The following PIK3AP1 variants were observed in gnomAD, a reference collection of about 807,000 sequenced individuals.
The protein encoded by PIK3AP1 is phosphoinositide 3-kinase adapter protein 1.
A neutral mutation model predicts 88.1 loss-of-function variants in PIK3AP1; 21 were observed. The ratio of observed to expected loss-of-function variants is 0.24; its 90% CI spans 0.17 to 0.34. The LOEUF is 0.34. Ranked by LOEUF, PIK3AP1 falls within the 10% of genes least tolerant of loss-of-function variation. The probability of loss-of-function intolerance (pLI) is 1.00; values close to 1 mark genes in which losing one functional copy is unlikely to be tolerated. For missense variants in PIK3AP1, 828 were observed against 1,035.7 expected (o/e 0.80, Z 2.75); for synonymous variants, 398 against 400.0 (o/e 1.00, Z 0.06).
chr10:96,646,289 C>G (rs1002730793), intron 7 of PIK3AP1, among the ~76,000 whole-genome samples: 1 of 151,984 alleles, frequency 6.6e-6, no homozygotes, highest in Non-Finnish European at 1.5e-5. Flanking sequence ...CCCGTGAGCA[C>G]CTTTTAAATG....
At chr10:96,675,797 T>C (rs1359180483) in intron 2 of PIK3AP1, among the ~76,000 whole-genome samples, 1 of 152,248 alleles carries the variant, frequency 6.6e-6, no homozygotes, top group African/African-American at 2.4e-5. Flanking sequence ...GTCATTTCTC[T>C]GTTAATATTA....
chr10:96,635,692 G>A (rs1964409), intron 8 of PIK3AP1, among the ~76,000 whole-genome samples: 44,829 of 151,902 alleles, frequency 0.3, 7,051 homozygotes, highest in South Asian at 0.45. Context: ...ATCACCTGAC[G>A]TCAGGAGTTC....
At chr10:96,677,269 G>A (rs1589532290) in intron 2 of PIK3AP1, among the ~76,000 whole-genome samples, 2 of 152,058 alleles carry the variant, frequency 1.3e-5, no homozygotes, top group Admixed American at 6.6e-5. Flanking sequence ...TTTGCCTCTT[G>A]TTTGCATTTA....
chr10:96,616,831 A>G, intron 12 of PIK3AP1, 120 bp from the exon 13 acceptor site: 1 of 938,176 alleles, frequency 1.1e-6, no homozygotes, highest in South Asian at 1.4e-5. Context: ...CACATTTACA[A>G]CATGCAAATG....
intron 13 of PIK3AP1, among the ~76,000 whole-genome samples, chr10:96,615,909 A>G (rs141407462): frequency 1.9e-5 from 2 of 107,214 alleles, no homozygotes; most frequent in African/African-American, 5.4e-5. Context: ...TTGGTTCTTC[A>G]TGTAATAGGG....
intron 10 of PIK3AP1, among the ~76,000 whole-genome samples, chr10:96,623,979 G>A (rs925863537): frequency 6.6e-6 from 1 of 152,186 alleles, no homozygotes; most frequent in Admixed American, 6.5e-5. Flanking sequence ...CACTTACGAG[G>A]GACAGATTCA....
At chr10:96,651,872 C>T (rs114696821) in intron 4 of PIK3AP1, among the ~76,000 whole-genome samples, 2,067 of 152,158 alleles carry the variant, frequency 0.014, 21 homozygotes, top group Admixed American at 0.019. Flanking sequence ...AATTTATCCT[C>T]ATTGGGTTTG....
chr10:96,610,499 T>A (rs373532568), intron 13 of PIK3AP1, among the ~76,000 whole-genome samples: 19 of 151,248 alleles, frequency 1.3e-4, no homozygotes, highest in Non-Finnish European at 2.5e-4. Context: ...AACCACTGCT[T>A]GTACAGCCTC....
At chr10:96,623,005 G>T (rs1029226081) in intron 11 of PIK3AP1, among the ~76,000 whole-genome samples, 2 of 152,158 alleles carry the variant, frequency 1.3e-5, no homozygotes, top group Non-Finnish European at 2.9e-5. Flanking sequence ...CTTTCATCCT[G>T]TTGGCATCAA....
chr10:96,620,637 G>T (rs1415983688), intron 11 of PIK3AP1, 80 bp from the exon 12 acceptor site: 19 of 1,245,912 alleles, frequency 1.5e-5, no homozygotes, highest in Non-Finnish European at 2.1e-5. Context: ...AATGAGGCTG[G>T]TCACAGGCTC....
At chr10:96,666,373 C>A (rs967652150) in intron 2 of PIK3AP1, among the ~76,000 whole-genome samples, 1 of 151,950 alleles carries the variant, frequency 6.6e-6, no homozygotes, top group African/African-American at 2.4e-5. Flanking sequence ...GAGCCGAGAT[C>A]GCACCATTGT....
chr10:96,634,442 C>A (rs529608626), intron 8 of PIK3AP1, among the ~76,000 whole-genome samples: 20 of 152,192 alleles, frequency 1.3e-4, no homozygotes, highest in African/African-American at 4.6e-4. Context: ...CAGTGCAGGT[C>A]GGCATCACGA....
intron 2 of PIK3AP1, among the ~76,000 whole-genome samples, chr10:96,689,809 G>A (rs1329093894): frequency 2.0e-5 from 3 of 152,006 alleles, no homozygotes; most frequent in Non-Finnish European, 4.4e-5. Context: ...ATGTCCTGCT[G>A]GTCCTGTCTG....
At chr10:96,718,069 T>C (rs1844525909) in intron 1 of PIK3AP1, among the ~76,000 whole-genome samples, 1 of 152,216 alleles carries the variant, frequency 6.6e-6, no homozygotes, top group Non-Finnish European at 1.5e-5. Context: ...GACCACATAC[T>C]ATGTGATTCC....
chr10:96,602,708 G>C (rs1204772773), intron 15 of PIK3AP1, among the ~76,000 whole-genome samples: 1 of 152,178 alleles, frequency 6.6e-6, no homozygotes, highest in Non-Finnish European at 1.5e-5. Flanking sequence ...CCCACCCAAG[G>C]ACTCTTCTCA....
At chr10:96,617,632 A>T (rs1843012548) in intron 12 of PIK3AP1, among the ~76,000 whole-genome samples, 1 of 152,318 alleles carries the variant, frequency 6.6e-6, no homozygotes, top group South Asian at 2.1e-4. Flanking sequence ...AGAAGCTGAC[A>T]TGGGGATGTG....
At chr10:96,623,590 A>AAAT (rs780820963) in intron 10 of PIK3AP1, 53 bp from the exon 11 acceptor site, 17 of 1,426,002 alleles carry the variant, frequency 1.2e-5, no homozygotes, top group South Asian at 1.2e-4. Flanking sequence ...ATCCAGTACA[A>AAAT]AATAATAATA....
rs187344443 is a variant in PIK3AP1, at chr10:96,713,142, G to C, written c.14-3159C>G. On this transcript the variant is annotated intron_variant, in intron 1 of 16. Transcript: ENST00000339364. ...TTTGGGAGGCCAGGGCGGGCGGATTGCTTGAGCTCAGGAGTTTCAGACCAG... is the reference window on the plus strand; with the variant it reads ...TTTGGGAGGCCAGGGCGGGCGGATTCCTTGAGCTCAGGAGTTTCAGACCAG... Among the ~76,000 whole-genome samples, 753 of 152,104 alleles carry C rather than the reference G, an allele frequency of 5.0e-3. 3 individuals are homozygous for C. The highest frequency in any genetic ancestry group is 8.1e-3 in the Non-Finnish European group (552 of 67,988).
At chr10:96,602,524 TAATC>T in intron 15 of PIK3AP1, 126 bp from the exon 16 acceptor site, 1 of 744,866 alleles carries the variant, frequency 1.3e-6, no homozygotes, top group Non-Finnish European at 2.2e-6. Context: ...TGCAAATTGA[TAATC>T]AACCCAGCCA....
Sources: allele counts gnomAD v4.1 joint callset (sites outside exome capture counted in the v4.1 genomes callset), GRCh38; gene constraint gnomAD v4.1.1; transcripts MANE v1.5; gene names NCBI Gene and HGNC (gene_info 2026-07-23, HGNC 2026-07-21).